The following SLC26A7 variants were observed in gnomAD, a reference collection of about 807,000 sequenced individuals.
SLC26A7 encodes anion exchange transporter.
SLC26A7 carries 59 observed loss-of-function variants against 82.5 expected under a neutral mutation model. That is an observed-to-expected ratio of 0.72 (90% CI 0.58 to 0.89). SLC26A7 has a LOEUF of 0.89. SLC26A7 is among the 40% of genes least tolerant of loss of function. The pLI, the probability that SLC26A7 is intolerant of heterozygous loss-of-function variation, is 0.00. For missense variants in SLC26A7, 820 were observed against 793.0 expected (o/e 1.03, Z -0.41); for synonymous variants, 271 against 274.3 (o/e 0.99, Z 0.12).
At chr8:91,394,570 T>G in intron 18 of SLC26A7, 2 of 1,210,048 alleles carry the variant, frequency 1.7e-6, no homozygotes, top group Non-Finnish European at 2.1e-6. Context: ...TCCTGCAATT[T>G]TTCCTTGAGT....
chr8:91,321,937 T>A (rs1389839307), intron 5 of SLC26A7, among the ~76,000 whole-genome samples: 5 of 152,146 alleles, frequency 3.3e-5, no homozygotes, highest in Non-Finnish European at 7.4e-5. Context: ...TAATTATACT[T>A]CTTGGAATTC....
chr8:91,338,277 A>C, intron 7 of SLC26A7, 45 bp downstream of exon 7: 1 of 1,438,404 alleles, frequency 7.0e-7, no homozygotes, highest in Non-Finnish European at 9.6e-7. Flanking sequence ...TTGTTTGTTT[A>C]TTTTTGATGG....
intron 11 of SLC26A7, among the ~76,000 whole-genome samples, chr8:91,360,647 G>A (rs1373892477): frequency 6.6e-6 from 1 of 152,116 alleles, no homozygotes; most frequent in Non-Finnish European, 1.5e-5. Context: ...CAAAATTTCT[G>A]GTTGCTCTGA....
In SLC26A7 at chr8:91,366,703, G is replaced by A; in HGVS notation, c.1612G>A (p.Asp538Asn). 1 of 1,612,564 alleles carries A rather than the reference G, an allele frequency of 6.2e-7. No individual in the cohort carries two copies. The highest frequency in any genetic ancestry group is 8.5e-7 in the Non-Finnish European group (1 of 1,179,626). Residue 538 changes from aspartate to asparagine, a missense_variant, in exon 14 of 19, where the codon GAT becomes AAT. By Grantham distance (23) the Asp-to-Asn change is conservative. Transcript: ENST00000276609. ...QKENACNQPLDDISKCEQNTL... is the reference protein window; with the variant it reads ...QKENACNQPLNDISKCEQNTL... ...GGAAAATGCCTGTAATCAGCCACTT[G>A]ATGATATCAGCAAGGTAGGATCAAT...
At chr8:91,239,267 G>C (rs1204784299) in intron 2 of SLC26A7, among the ~76,000 whole-genome samples, 1 of 151,546 alleles carries the variant, frequency 6.6e-6, no homozygotes, top group Non-Finnish European at 1.5e-5. Context: ...CTACTTTTGA[G>C]GCTGAGGCAG....
chr8:91,294,254 G>A (rs972042125), intron 3 of SLC26A7, among the ~76,000 whole-genome samples: 2 of 152,182 alleles, frequency 1.3e-5, no homozygotes, highest in African/African-American at 2.4e-5. Context: ...TCTATGATAT[G>A]TGCTATATTA....
chr8:91,303,040 G>A (rs1812211478), intron 4 of SLC26A7, among the ~76,000 whole-genome samples: 1 of 152,170 alleles, frequency 6.6e-6, no homozygotes, highest in African/African-American at 2.4e-5. Flanking sequence ...TCATAAGAAA[G>A]TCTTTTAGTG....
At chr8:91,337,586 T>A (rs1184172547) in intron 6 of SLC26A7, among the ~76,000 whole-genome samples, 1 of 152,078 alleles carries the variant, frequency 6.6e-6, no homozygotes, top group African/African-American at 2.4e-5. Flanking sequence ...TCCATAGGGG[T>A]CATTTTAAAA....
chr8:91,278,770 A>G (rs1811474925), intron 2 of SLC26A7, among the ~76,000 whole-genome samples: 1 of 152,078 alleles, frequency 6.6e-6, no homozygotes, highest in African/African-American at 2.4e-5. Context: ...CTTAAAATCT[A>G]TTCTCTTAGC....
rs529307013 is a variant in SLC26A7, at chr8:91,302,633, A to G, written c.477+6930A>G. On this transcript the variant is annotated intron_variant, in intron 4 of 18. Transcript: ENST00000276609. Reference sequence around the variant, plus strand: ...TACAATTTGATCTTTTGACAGATGTATATATTCATGAACCCATCATCAAGA... The same window carrying G: ...TACAATTTGATCTTTTGACAGATGTGTATATTCATGAACCCATCATCAAGA... Among the ~76,000 whole-genome samples, 15 of 152,242 alleles carry G rather than the reference A, an allele frequency of 9.9e-5. No individual in the cohort carries two copies. The South Asian group carries it at 2.9e-3, about 29-fold the overall frequency.
In SLC26A7 at chr8:91,251,927, C is replaced by T. The variant is rs560402329; in HGVS notation, c.193+2083C>T. On this transcript the variant is annotated intron_variant, in intron 2 of 18. Coordinates refer to ENST00000276609, the MANE Select transcript of SLC26A7 (RefSeq NM_052832.4). ...CTTTTGCATTCAGGTTTCATCCCTG[C>T]AGTTTTTAGATTCAAAGGCAAAGTG... 7.2e-5 allele frequency among the ~76,000 whole-genome samples: 11 copies of T among 152,214 alleles called. No individual in the cohort carries two copies. In the South Asian group the frequency reaches 1.5e-3, roughly 20 times the overall value.
At chr8:91,271,589 T>A (rs1177080907) in intron 2 of SLC26A7, among the ~76,000 whole-genome samples, 1 of 138,400 alleles carries the variant, frequency 7.2e-6, no homozygotes, top group Non-Finnish European at 1.5e-5. Context: ...TCTAGAGAAA[T>A]CTTTTTTTTT....
At chr8:91,296,736 C>A (rs961678119) in intron 4 of SLC26A7, among the ~76,000 whole-genome samples, 2 of 152,126 alleles carry the variant, frequency 1.3e-5, no homozygotes, top group African/African-American at 4.8e-5. Flanking sequence ...GGAGACTGAC[C>A]AGACTGGTGG....
chr8:91,368,689 C>T (rs1814268638), intron 14 of SLC26A7, among the ~76,000 whole-genome samples: 1 of 152,206 alleles, frequency 6.6e-6, no homozygotes, highest in South Asian at 2.1e-4. Context: ...TCCCAAAGTG[C>T]TGGGATTACA....
intron 14 of SLC26A7, among the ~76,000 whole-genome samples, chr8:91,368,747 G>A (rs1045175621): frequency 7.2e-5 from 11 of 152,018 alleles, no homozygotes; most frequent in African/African-American, 2.4e-4. Context: ...TTAAGAGGAG[G>A]GAAAGGAAAC....
chr8:91,222,522 A>G (rs752483013), intron 2 of SLC26A7, among the ~76,000 whole-genome samples: 3 of 152,174 alleles, frequency 2.0e-5, no homozygotes, highest in Middle Eastern at 6.8e-3. Flanking sequence ...TTATTTTTAG[A>G]TATGTTCCAT....
chr8:91,277,660 A>G (rs1379070883), intron 2 of SLC26A7, among the ~76,000 whole-genome samples: 2 of 152,224 alleles, frequency 1.3e-5, no homozygotes, highest in African/African-American at 4.8e-5. Flanking sequence ...AATGTCTGCA[A>G]TTCAAATATT....
intron 4 of SLC26A7, among the ~76,000 whole-genome samples, chr8:91,297,811 G>A (rs1158610825): frequency 6.6e-6 from 1 of 152,118 alleles, no homozygotes; most frequent in Non-Finnish European, 1.5e-5. Context: ...TATGAAGTGT[G>A]TGTTTGTCTT....
Position 91,312,370 on chromosome 8 carries a change from T to C in SLC26A7, c.478-5846T>C, listed in dbSNP as rs183964525. Among the ~76,000 whole-genome samples, 26 of 152,326 alleles carry C rather than the reference T, an allele frequency of 1.7e-4. No homozygotes were observed. The East Asian group carries it at 4.6e-3, about 27-fold the overall frequency. On this transcript the variant is annotated intron_variant, in intron 4 of 18. Coordinates refer to ENST00000276609, the MANE Select transcript of SLC26A7 (RefSeq NM_052832.4). ...CATTCATCCACTGATGGACACTTGGTTATCCATTATAGTTACTCTGAATAA... is the reference window on the plus strand; with the variant it reads ...CATTCATCCACTGATGGACACTTGGCTATCCATTATAGTTACTCTGAATAA...
Sources: gnomAD v4.1 joint callset for allele counts (sites outside exome capture counted in the v4.1 genomes callset) on GRCh38, gnomAD v4.1.1 for gene constraint, MANE v1.5 for transcripts, NCBI Gene and HGNC (gene_info 2026-07-23, HGNC 2026-07-21) for gene names.